The following RAD54B variants were observed in gnomAD, a reference collection of about 807,000 sequenced individuals.
RAD54B encodes the protein DNA repair and recombination protein RAD54B.
Under a neutral mutation model 95.8 loss-of-function variants are expected in RAD54B, and 78 were observed. The ratio of observed to expected loss-of-function variants is 0.81; its 90% CI spans 0.68 to 0.98. The LOEUF (loss-of-function observed/expected upper bound fraction) is 0.98. RAD54B is among the 50% of genes least tolerant of loss of function. The probability of loss-of-function intolerance (pLI) is 0.00; values close to 1 mark genes in which losing one functional copy is unlikely to be tolerated. For synonymous variants in RAD54B, 328 were observed against 354.9 expected (o/e 0.92, Z 0.85); for missense variants, 957 against 1,056.6 (o/e 0.91, Z 1.31).
chr8:94,414,538 C>G (rs1423545926), intron 3 of RAD54B, among the ~76,000 whole-genome samples: 1 of 152,008 alleles, frequency 6.6e-6, no homozygotes, highest in African/African-American at 2.4e-5. Flanking sequence ...TAGCATGAAG[C>G]GTTGTTGAAT....
chr8:94,399,287 A>C (rs1811212132), intron 8 of RAD54B, 127 bp downstream of exon 8: 6 of 719,122 alleles, frequency 8.3e-6, no homozygotes, highest in Admixed American at 5.7e-5. Flanking sequence ...AGAGTTAATT[A>C]ACACAGGTTT....
intron 12 of RAD54B, among the ~76,000 whole-genome samples, chr8:94,379,066 T>C (rs1172510914): frequency 6.6e-6 from 1 of 152,202 alleles, no homozygotes; most frequent in Admixed American, 6.5e-5. Context: ...TTATCAATGA[T>C]ACTGTGCATT....
intron 14 of RAD54B, chr8:94,373,044 G>C (rs1810479355): frequency 6.6e-6 from 1 of 152,242 alleles, no homozygotes; most frequent in Admixed American, 6.5e-5. Flanking sequence ...GGTCCGGAAG[G>C]TAAGTGAAGG....
chr8:94,402,891 G>A (rs1184047236), intron 6 of RAD54B, among the ~76,000 whole-genome samples: 3 of 152,164 alleles, frequency 2.0e-5, no homozygotes, highest in Admixed American at 2.0e-4. Flanking sequence ...TGGAATGACA[G>A]AAAAGATTAG....
intron 3 of RAD54B, chr8:94,428,380 G>A: frequency 5.3e-6 from 5 of 950,646 alleles, no homozygotes; most frequent in Non-Finnish European, 6.3e-6. Flanking sequence ...ATCCAAGGGG[G>A]ATTGGTTTCA....
intron 3 of RAD54B, among the ~76,000 whole-genome samples, chr8:94,422,779 T>C (rs985519052): frequency 2.8e-5 from 4 of 143,400 alleles, no homozygotes; most frequent in African/African-American, 1.0e-4. Context: ...TATATATAAT[T>C]GTTAGGGGTG....
chr8:94,403,890 G>T (rs144868636), intron 6 of RAD54B, among the ~76,000 whole-genome samples, 187 bp downstream of exon 6: 2 of 152,204 alleles, frequency 1.3e-5, no homozygotes, highest in African/African-American at 2.4e-5. Context: ...TGTTTGGCAC[G>T]TGGCATCTAT....
intron 3 of RAD54B, among the ~76,000 whole-genome samples, chr8:94,420,295 A>C: frequency 8.2e-6 from 1 of 121,758 alleles, no homozygotes; most frequent in Admixed American, 1.0e-4. Flanking sequence ...TCTCACTGTC[A>C]CCCAGGCTGG....
At chr8:94,377,752 G>A (rs2515103) in intron 14 of RAD54B, among the ~76,000 whole-genome samples, 66,157 of 149,620 alleles carry the variant, frequency 0.44, 16,695 homozygotes, top group Non-Finnish European at 0.59. Flanking sequence ...CGAGGCGGGC[G>A]GATCACGAGG....
rs1810462262 is a variant in RAD54B at position 94,372,387 on chromosome 8, C to G, written c.2516G>C (p.Gly839Ala). ...GACAATGAATTTTTCCAACGAATCACCTGTAATAAGTAAAACAATGAGAAA... is the reference window on the plus strand; with the variant it reads ...GACAATGAATTTTTCCAACGAATCAGCTGTAATAAGTAAAACAATGAGAAA... ...CECTGEEVHT[G>A]DSLEKFIVSR... is the part of the protein sequence containing the mutation. Residue 839 changes from glycine to alanine, a missense_variant and splice_region_variant, in exon 15 of 15, where the codon GGT becomes GCT. By Grantham distance (60) the Gly-to-Ala change is moderately conservative. Transcript: ENST00000336148. The G allele has an allele frequency of 6.2e-7, 1 of 1,611,780 alleles. No individual in the cohort carries two copies. Among genetic ancestry groups the G allele is most frequent in the African/African-American group, 1.3e-5 (1 of 74,808 alleles).
At chr8:94,435,365 A>G (rs963946980) in intron 3 of RAD54B, among the ~76,000 whole-genome samples, 15 of 152,064 alleles carry the variant, frequency 9.9e-5, no homozygotes, top group Non-Finnish European at 1.9e-4. Flanking sequence ...CTTTCCTAGT[A>G]AATTACCAAA....
At chr8:94,381,613 A>T (rs1347113100) in intron 11 of RAD54B, among the ~76,000 whole-genome samples, 1 of 152,228 alleles carries the variant, frequency 6.6e-6, no homozygotes. Context: ...AAAAGGAACA[A>T]TCAAGAATTA....
intron 3 of RAD54B, chr8:94,428,587 G>A (rs554929401): frequency 1.2e-3 from 476 of 406,770 alleles, no homozygotes; most frequent in African/African-American, 9.9e-3. Context: ...CTGGGGATTA[G>A]CCCAACTCCT....
intron 3 of RAD54B, among the ~76,000 whole-genome samples, chr8:94,440,540 T>C (rs541877401): frequency 1.3e-5 from 2 of 152,332 alleles, no homozygotes; most frequent in East Asian, 3.8e-4. Context: ...TCGAATAATT[T>C]TTTGTTCTTT....
At chr8:94,405,680 G>A (rs1481023345) in intron 5 of RAD54B, among the ~76,000 whole-genome samples, 10 of 151,956 alleles carry the variant, frequency 6.6e-5, no homozygotes, top group Admixed American at 5.3e-4. Flanking sequence ...AAATGGCCCC[G>A]TTATTTTTCT....
intron 11 of RAD54B, among the ~76,000 whole-genome samples, chr8:94,380,777 A>G (rs1041153521): frequency 6.6e-6 from 1 of 152,200 alleles, no homozygotes; most frequent in African/African-American, 2.4e-5. Context: ...CTACATGCCC[A>G]AAGAGGGAGA....
At chr8:94,402,977 A>G (rs2130016005) in intron 6 of RAD54B, among the ~76,000 whole-genome samples, 1 of 152,334 alleles carries the variant, frequency 6.6e-6, no homozygotes, top group South Asian at 2.1e-4. Flanking sequence ...AGAAGAAATC[A>G]AAGATGATTC....
At chr8:94,388,136 G>C (rs1048195743) in intron 10 of RAD54B, among the ~76,000 whole-genome samples, 2 of 152,084 alleles carry the variant, frequency 1.3e-5, no homozygotes, top group African/African-American at 4.8e-5. Flanking sequence ...ATGATATGCA[G>C]TTGACCCTTG....
intron 9 of RAD54B, among the ~76,000 whole-genome samples, chr8:94,392,173 T>G (rs1811038851): frequency 6.6e-6 from 1 of 152,224 alleles, no homozygotes; most frequent in Non-Finnish European, 1.5e-5. Context: ...AAATATAGTC[T>G]GTATACAACA....
Sources: allele counts gnomAD v4.1 joint callset (sites outside exome capture counted in the v4.1 genomes callset), GRCh38; gene constraint gnomAD v4.1.1; transcripts MANE v1.5; gene names NCBI Gene and HGNC (gene_info 2026-07-23, HGNC 2026-07-21).